Variants in TNS3 observed in about 807,000 individuals in gnomAD.
The protein encoded by TNS3 is tensin 3.
In TNS3, 45 loss-of-function variants were observed where a neutral mutation model predicts 140.9. The ratio of observed to expected loss-of-function variants is 0.32; its 90% CI spans 0.25 to 0.41. The LOEUF (loss-of-function observed/expected upper bound fraction) is 0.41. TNS3 is among the 10% of genes least tolerant of loss of function. TNS3 has a pLI of 1.00. For synonymous variants in TNS3, 815 were observed against 788.4 expected (o/e 1.03, Z -0.56); for missense variants, 1,716 against 1,906.7 (o/e 0.90, Z 1.86).
intron 1 of TNS3, among the ~76,000 whole-genome samples, chr7:47,549,388 G>A (rs896883255): frequency 2.0e-5 from 3 of 152,022 alleles, no homozygotes; most frequent in Non-Finnish European, 4.4e-5. Flanking sequence ...CCAGCTACTC[G>A]GGAGGCTGAG....
intron 1 of TNS3, among the ~76,000 whole-genome samples, chr7:47,574,526 C>T (rs1038610339): frequency 3.9e-5 from 6 of 152,066 alleles, no homozygotes; most frequent in Non-Finnish European, 7.4e-5. Flanking sequence ...GGGACTTATA[C>T]ACCCATGTCC....
chr7:47,539,835 T>C (rs2151963160), intron 1 of TNS3, among the ~76,000 whole-genome samples: 1 of 152,282 alleles, frequency 6.6e-6, no homozygotes, highest in East Asian at 1.9e-4. Flanking sequence ...AATGAAAACA[T>C]TCTCCTTTGC....
At chr7:47,562,210 C>T (rs1396339336) in intron 1 of TNS3, among the ~76,000 whole-genome samples, 4 of 152,050 alleles carry the variant, frequency 2.6e-5, no homozygotes, top group Non-Finnish European at 4.4e-5. Context: ...GTCTCTGACC[C>T]GGAGATCATT....
At position 47,457,134 on chromosome 7, in the gene TNS3, A is replaced by AGG. The variant is rs1562766133; in HGVS notation, c.-75-15081_-75-15080dup. ...AGGGGAGGGGAGGGGAGGGGAGGGG[A>AGG]GGAGGGGAGGGGAGGGGAGGGGAAG... On this transcript the variant is annotated intron_variant, in intron 4 of 30. Coordinates refer to ENST00000311160, the MANE Select transcript of TNS3 (RefSeq NM_022748.12). Among the ~76,000 whole-genome samples, 88 of 9,578 alleles carry AGG rather than the reference A, an allele frequency of 9.2e-3. 5 individuals are homozygous for AGG. The highest frequency in any genetic ancestry group is 0.025 in the African/African-American group (60 of 2,416). The allele number at this position is 9,578 out of a possible 152,430, so 6.3% of individuals were successfully genotyped here.
rs748943015 is a variant in TNS3 at position 47,280,119 on chromosome 7, C to T, written c.4193+45G>A. 1.2e-5 allele frequency: 20 copies of T among 1,611,544 alleles called. No homozygotes were observed. In the South Asian group the frequency reaches 2.2e-4, roughly 18 times the overall value. On this transcript the variant is annotated intron_variant, in intron 30 of 30. Coordinates refer to ENST00000311160, the MANE Select transcript of TNS3 (RefSeq NM_022748.12). ...TGGAAGAGAATTCAACTTTGGAGTA[C>T]AACTGCAGACAAGGAGAGAATGTAA...
intron 1 of TNS3, chr7:47,581,583 T>A (rs2152034572): frequency 6.6e-6 from 1 of 152,438 alleles, no homozygotes; most frequent in Admixed American, 6.5e-5. Context: ...TGCTCCGGTC[T>A]CTGCCCTCAG....
At chr7:47,333,233 T>C (rs1294382442) in intron 20 of TNS3, among the ~76,000 whole-genome samples, 1 of 152,244 alleles carries the variant, frequency 6.6e-6, no homozygotes, top group Non-Finnish European at 1.5e-5. Flanking sequence ...TGTTTACTTT[T>C]AAATATAATT....
intron 10 of TNS3, among the ~76,000 whole-genome samples, chr7:47,423,795 T>C (rs1794504175): frequency 6.6e-6 from 1 of 152,164 alleles, no homozygotes; most frequent in Non-Finnish European, 1.5e-5. Context: ...AGTTCCAACA[T>C]AATAATGGAA....
intron 1 of TNS3, among the ~76,000 whole-genome samples, chr7:47,558,221 C>T (rs778497460): frequency 3.3e-5 from 5 of 152,164 alleles, no homozygotes; most frequent in Admixed American, 6.5e-5. Context: ...GGGTATTTGC[C>T]GTCCTGATAA....
At chr7:47,437,883 G>T (rs1319917548) in intron 6 of TNS3, among the ~76,000 whole-genome samples, 2 of 150,800 alleles carry the variant, frequency 1.3e-5, no homozygotes, top group African/African-American at 4.9e-5. Flanking sequence ...TAGAGAGGTG[G>T]TACATGGTGG....
At chr7:47,375,234 C>G (rs1033085732) in intron 16 of TNS3, among the ~76,000 whole-genome samples, 1 of 152,132 alleles carries the variant, frequency 6.6e-6, no homozygotes, top group African/African-American at 2.4e-5. Context: ...ACATCTCAGT[C>G]CAGGGTAAAT....
intron 16 of TNS3, among the ~76,000 whole-genome samples, chr7:47,380,078 G>T (rs1303735370): frequency 6.6e-6 from 1 of 152,250 alleles, no homozygotes; most frequent in Non-Finnish European, 1.5e-5. Context: ...CAGATTCCAA[G>T]CGCTCCCGCG....
rs562553655 is a variant in TNS3 at position 47,310,529 on chromosome 7, G to A, written c.2651-5526C>T. 1.3e-4 allele frequency among the ~76,000 whole-genome samples: 20 copies of A among 151,966 alleles called. 1 individual carries two copies. In the East Asian group the frequency reaches 1.6e-3, roughly 12 times the overall value. On this transcript the variant is annotated intron_variant, in intron 20 of 30. Transcript: ENST00000311160. ...ACTTTGTCTATACTCTAAAAATACA[G>A]TATCAAATATTTAATTGTAAAAAAA... is the stretch of plus-strand genomic sequence containing the variant.
At chr7:47,347,477 A>T (rs1455989368) in intron 17 of TNS3, among the ~76,000 whole-genome samples, 1 of 151,992 alleles carries the variant, frequency 6.6e-6, no homozygotes, top group Non-Finnish European at 1.5e-5. Flanking sequence ...GCCTGAGAGG[A>T]GCAGCAGGAC....
At chr7:47,524,572 G>A (rs1799109188) in intron 2 of TNS3, among the ~76,000 whole-genome samples, 1 of 151,638 alleles carries the variant, frequency 6.6e-6, no homozygotes, top group South Asian at 2.1e-4. Flanking sequence ...GGAGGCCGAG[G>A]CGGGTGGATC....
In TNS3 at chr7:47,342,790, C is replaced by T. The variant is rs564019373; in HGVS notation, c.2650+1965G>A. 2.0e-5 allele frequency among the ~76,000 whole-genome samples: 3 copies of T among 152,302 alleles called. 1 individual carries two copies. The South Asian group carries it at 6.2e-4, about 32-fold the overall frequency. ...AGGAAATCATAAAGATCAGGGGACA[C>T]ATTCTGTATGGGCGAGCTACCTCTG... is the stretch of plus-strand genomic sequence containing the variant. On this transcript the variant is annotated intron_variant, in intron 20 of 30. Transcript: ENST00000311160.
Position 47,368,989 on chromosome 7 carries a change from G to A in TNS3, c.1657C>T (p.Arg553Trp), listed in dbSNP as rs1045891793. 2.2e-5 allele frequency: 35 copies of A among 1,613,806 alleles called. No individual in the cohort carries two copies. The highest frequency in any genetic ancestry group is 2.7e-5 in the Non-Finnish European group (32 of 1,180,048). ...LGMDGPYERERTFGSREPKQP... is the reference protein window; with the variant it reads ...LGMDGPYEREWTFGSREPKQP... The stretch of plus-strand genomic sequence containing the variant: ...TTGGGCTCTCGACTCCCAAAAGTCC[G>A]CTCCCGCTCATAGGGGCCGTCCATG... Residue 553 changes from arginine to tryptophan, a missense_variant, in exon 17 of 31, where the codon CGG becomes TGG. Physicochemically the swap from Arg to Trp is moderately radical, Grantham distance 101. Coordinates refer to ENST00000311160, the MANE Select transcript of TNS3 (RefSeq NM_022748.12).
At chr7:47,312,321 A>C (rs1238675126) in intron 20 of TNS3, among the ~76,000 whole-genome samples, 1 of 152,188 alleles carries the variant, frequency 6.6e-6, no homozygotes, top group African/African-American at 2.4e-5. Flanking sequence ...TGGAGTTTAA[A>C]ACCATCCCTC....
intron 20 of TNS3, among the ~76,000 whole-genome samples, chr7:47,313,596 T>C (rs1476408230): frequency 6.6e-6 from 1 of 152,252 alleles, no homozygotes; most frequent in African/African-American, 2.4e-5. Context: ...CCTGTTTCTA[T>C]GACTGACATT....
Sources: gnomAD v4.1 joint callset for allele counts (sites outside exome capture counted in the v4.1 genomes callset) on GRCh38, gnomAD v4.1.1 for gene constraint, MANE v1.5 for transcripts, NCBI Gene and HGNC (gene_info 2026-07-23, HGNC 2026-07-21) for gene names.